NDUFB9: variants seen among roughly 807,000 people sequenced by gnomAD.
The protein encoded by NDUFB9 is NADH:ubiquinone oxidoreductase subunit B9, also known as NADH dehydrogenase [ubiquinone] 1 beta subcomplex subunit 9.
A neutral mutation model predicts 30.2 loss-of-function variants in NDUFB9; 24 were observed. The ratio of observed to expected loss-of-function variants is 0.80; its 90% CI spans 0.58 to 1.12. NDUFB9 has a LOEUF of 1.12. NDUFB9 is among the 50% of genes most tolerant of loss of function. The pLI, the probability that NDUFB9 is intolerant of heterozygous loss-of-function variation, is 0.00. For synonymous variants in NDUFB9, 80 were observed against 84.0 expected, an observed-to-expected ratio of 0.95 and a Z score of 0.26; for missense variants, 204 against 226.0, an observed-to-expected ratio of 0.90 and a Z score of 0.62.
chr8:124,541,069 G>A (rs552792750), intron 1 of NDUFB9, among the ~76,000 whole-genome samples: 59 of 152,264 alleles, frequency 3.9e-4, no homozygotes, highest in African/African-American at 1.4e-3. Context: ...ATGAGGCTGA[G>A]GCAGAAGAAC....
rs1586713766 is a variant in NDUFB9 at position 124,543,252 on chromosome 8, C to T, written c.267C>T (p.Thr89=). The change falls in exon 2 of 4, where the codon ACC becomes ACT. Residue 89 remains threonine (T), a synonymous_variant. Coordinates refer to ENST00000276689, the MANE Select transcript of NDUFB9 (RefSeq NM_005005.3). ...TCTTCCCTGACTCTCCTGGGGGCAC[C>T]TCCTATGAGAGATACGATTGCTACA... The part of the protein sequence containing the change: ...PYIFPDSPGG[T]SYERYDCYKV... 1 of 1,614,102 alleles carries T rather than the reference C, an allele frequency of 6.2e-7. No homozygotes were observed. Among genetic ancestry groups the T allele is most frequent in the South Asian group, 1.1e-5 (1 of 91,080 alleles).
chr8:124,540,930 G>T (rs1255344834), intron 1 of NDUFB9, among the ~76,000 whole-genome samples: 1 of 152,204 alleles, frequency 6.6e-6, no homozygotes, highest in South Asian at 2.1e-4. Context: ...AGTACTTTGG[G>T]AGGCTGAGGT....
At chr8:124,540,100 ACT>A (rs1386624191) in intron 1 of NDUFB9, among the ~76,000 whole-genome samples, 6 of 152,112 alleles carry the variant, frequency 3.9e-5, no homozygotes, top group Non-Finnish European at 7.3e-5. Context: ...TGGGAAAAAA[ACT>A]CTATGGAAAA....
Position 124,543,093 on chromosome 8 carries a change from AT to A in NDUFB9, c.109del (p.Tyr37ThrfsTer7). 6.2e-7 allele frequency: 1 copy of A among 1,614,160 alleles called. No individual in the cohort carries two copies. Among genetic ancestry groups the A allele is most frequent in the Non-Finnish European group, 8.5e-7 (1 of 1,180,004 alleles). On this transcript the variant is annotated frameshift_variant, in exon 2 of 4. Transcript: ENST00000276689. LOFTEE classifies it high-confidence loss of function. ...AAAATCATTTTGGTTTAAGAGACAA[AT>A]ACCGATACTTTGCTTGTTTGATGAG... Reference protein sequence around the residue: ...LESWCVQRDKYRYFACLMRAR... With the variant: ...LESWCVQRDKXRYFACLMRAR...
chr8:124,545,163 A>G (rs149918333), intron 2 of NDUFB9, among the ~76,000 whole-genome samples: 5 of 152,364 alleles, frequency 3.3e-5, no homozygotes, highest in African/African-American at 1.2e-4. Flanking sequence ...GTTTCTTGAG[A>G]TGGAGTCTCC....
Position 124,541,301 on chromosome 8 carries a change from C to T in NDUFB9, c.102-1786C>T, listed in dbSNP as rs532410928. The stretch of plus-strand genomic sequence containing the variant: ...ACTCTTTTCCCAAATTCCCTGCCTC[C>T]GCTAATGGTATTATTAGTAATTCAG... On this transcript the variant is annotated intron_variant, in intron 1 of 3. Coordinates refer to ENST00000276689, the MANE Select transcript of NDUFB9 (RefSeq NM_005005.3). 5.9e-5 allele frequency among the ~76,000 whole-genome samples: 9 copies of T among 152,296 alleles called. 1 individual carries two copies. In the South Asian group the frequency reaches 1.0e-3, roughly 18 times the overall value.
chr8:124,549,409 T>C (rs983915750), intron 3 of NDUFB9, among the ~76,000 whole-genome samples: 7 of 152,104 alleles, frequency 4.6e-5, no homozygotes, highest in African/African-American at 1.7e-4. Flanking sequence ...GTTTTTCTGG[T>C]CAGTGGGTGG....
chr8:124,541,889 A>G (rs898920507), intron 1 of NDUFB9, among the ~76,000 whole-genome samples: 9 of 151,120 alleles, frequency 6.0e-5, no homozygotes, highest in Admixed American at 2.0e-4. Context: ...GGCGTGAGCC[A>G]CCGTGCCTGG....
At chr8:124,543,455 G>A (rs1037762355) in intron 2 of NDUFB9, among the ~76,000 whole-genome samples, 176 bp downstream of exon 2, 12 of 152,218 alleles carry the variant, frequency 7.9e-5, no homozygotes, top group African/African-American at 2.9e-4. Context: ...GTGCTTGGCA[G>A]ATATTGTATT....
intron 2 of NDUFB9, among the ~76,000 whole-genome samples, chr8:124,546,108 C>T (rs1336981098): frequency 1.3e-5 from 2 of 152,238 alleles, no homozygotes; most frequent in African/African-American, 4.8e-5. Context: ...TCCCAAAGTG[C>T]TGGGATTACA....
chr8:124,540,316 A>C (rs1173870154), intron 1 of NDUFB9, among the ~76,000 whole-genome samples: 3 of 152,224 alleles, frequency 2.0e-5, no homozygotes, highest in Admixed American at 2.0e-4. Flanking sequence ...TCTATGCTCT[A>C]TGCTAAATAT....
chr8:124,547,412 T>C, intron 3 of NDUFB9: 2 of 601,540 alleles, frequency 3.3e-6, no homozygotes, highest in South Asian at 2.0e-5. Flanking sequence ...GCCTCTCCAC[T>C]ATTTTCTTAG....
rs1447783213 is a variant in NDUFB9 at position 124,543,264 on chromosome 8, A to C, written c.279A>C (p.Arg93Ser). Residue 93 changes from arginine (R) to serine (S), a missense_variant, in exon 2 of 4, where the codon AGA (arginine) becomes AGC (serine). Transcript: ENST00000276689. ...PDSPGGTSYE[R>S]YDCYKVPEWC... ...CTCCTGGGGGCACCTCCTATGAGAG[A>C]TACGATTGCTACAAGGTAGGTGAGA... The C allele has an allele frequency of 2.5e-6, 4 of 1,613,810 alleles. No individual in the cohort carries two copies. Among genetic ancestry groups the C allele is most frequent in the Non-Finnish European group, 8.5e-7 (1 of 1,179,698 alleles).
At chr8:124,542,948 T>G in intron 1 of NDUFB9, 139 bp from the exon 2 acceptor site, 1 of 808,348 alleles carries the variant, frequency 1.2e-6, no homozygotes, top group South Asian at 1.4e-5. Flanking sequence ...GCCATGATGA[T>G]ACGGCTGCTC....
rs1822185403 is a variant in NDUFB9 at position 124,547,247 on chromosome 8, T to C, written c.408+134T>C. On this transcript the variant is annotated intron_variant, in intron 3 of 3. Transcript: ENST00000276689. ...TGCTTCTCAGATATACTTTAGTATCTAAGTGTATCAATTTAACATTTATAA... is the reference window on the plus strand; with the variant it reads ...TGCTTCTCAGATATACTTTAGTATCCAAGTGTATCAATTTAACATTTATAA... The C allele has an allele frequency of 4.1e-6, 3 of 734,684 alleles. No homozygotes were observed. In the Admixed American group the frequency reaches 5.9e-5, roughly 14 times the overall value. 45.5% of individuals were successfully genotyped at this position (734,684 alleles called of 1,614,324 possible).
rs1026970241 is a variant in NDUFB9, at chr8:124,539,452, G to A, written c.101+165G>A. 77 of 654,812 alleles carry A rather than the reference G, an allele frequency of 1.2e-4. No homozygotes were observed. The South Asian group carries it at 1.3e-3, about 11-fold the overall frequency. 40.6% of individuals were successfully genotyped at this position (654,812 alleles called of 1,614,324 possible). A position where few individuals can be genotyped will look rare whatever the true frequency, so the allele number is the denominator to read the frequency against. On this transcript the variant is annotated intron_variant, in intron 1 of 3. Coordinates refer to ENST00000276689, the MANE Select transcript of NDUFB9 (RefSeq NM_005005.3). The stretch of plus-strand genomic sequence containing the variant: ...AGACCCGGGTTCAAATCCAGGCTTC[G>A]CCACTTATGGCCGGGAGACCTTGTA...
intron 2 of NDUFB9, among the ~76,000 whole-genome samples, chr8:124,545,068 C>G (rs1822121561): frequency 6.6e-6 from 1 of 152,162 alleles, no homozygotes; most frequent in African/African-American, 2.4e-5. Context: ...AGAAGCTGAT[C>G]CTGAGAATAT....
rs142225103 is a variant in NDUFB9 at position 124,546,741 on chromosome 8, AG to A, written c.295-255del. On this transcript the variant is annotated intron_variant, in intron 2 of 3. Coordinates refer to ENST00000276689, the MANE Select transcript of NDUFB9 (RefSeq NM_005005.3). ...CTCTGGATATTTAGAGAAGGCAGGT[AG>A]GGGAGGAATGAAGCCAGTTCTCCTT... 12,118 of 546,984 alleles carry A rather than the reference AG, an allele frequency of 0.022. 1,099 individuals are homozygous for A. Among genetic ancestry groups the A allele is most frequent in the African/African-American group, 0.2 (10,427 of 53,010 alleles). The allele number at this position is 546,984 out of a possible 1,614,324, so 33.9% of individuals were successfully genotyped here.
At chr8:124,539,479 AGTT>A (rs1586707676) in intron 1 of NDUFB9, 192 bp downstream of exon 1, 1 of 601,478 alleles carries the variant, frequency 1.7e-6, no homozygotes, top group African/African-American at 1.9e-5. Flanking sequence ...GACCTTGTAG[AGTT>A]GCTTGTCGGG....
Sources: allele counts gnomAD v4.1 joint callset (sites outside exome capture counted in the v4.1 genomes callset), GRCh38; gene constraint gnomAD v4.1.1; transcripts MANE v1.5; gene names NCBI Gene and HGNC (gene_info 2026-07-23, HGNC 2026-07-21).